The following PPARGC1A variants were observed in gnomAD, a reference collection of about 807,000 sequenced individuals.
PPARGC1A encodes the protein peroxisome proliferator-activated receptor gamma coactivator 1-alpha.
A neutral mutation model predicts 88.7 loss-of-function variants in PPARGC1A; 25 were observed. The observed-to-expected ratio is 0.28, with a 90% CI of 0.21 to 0.39. PPARGC1A has a LOEUF of 0.39. Ranked by LOEUF, PPARGC1A falls within the 10% of genes least tolerant of loss-of-function variation. PPARGC1A has a pLI of 1.00. For synonymous variants in PPARGC1A, 363 were observed against 355.6 expected (o/e 1.02, Z -0.24); for missense variants, 880 against 968.7 (o/e 0.91, Z 1.22).
the PPARGC1A span, among the ~76,000 whole-genome samples, chr4:24,221,979 T>C: frequency 6.6e-6 from 1 of 152,110 alleles, no homozygotes; most frequent in African/African-American, 2.4e-5. Context: ...CAAGTCCCAG[T>C]GTTTGGAACA....
At chr4:23,855,248 T>C (rs1286674408) in intron 2 of PPARGC1A, among the ~76,000 whole-genome samples, 1 of 152,244 alleles carries the variant, frequency 6.6e-6, no homozygotes, top group South Asian at 2.1e-4. Context: ...CAGTCTCAGG[T>C]ATGTCTTTAG....
the PPARGC1A span, among the ~76,000 whole-genome samples, chr4:24,467,421 A>AT: frequency 6.6e-6 from 1 of 152,194 alleles, no homozygotes; most frequent in African/African-American, 2.4e-5. Flanking sequence ...CCCAGTTGAT[A>AT]TTTTTTGAAC....
chr4:24,453,222 T>G, the PPARGC1A span, among the ~76,000 whole-genome samples: 4 of 152,216 alleles, frequency 2.6e-5, no homozygotes, highest in Admixed American at 6.5e-5. Flanking sequence ...AACACCTTGA[T>G]CTCAGACTTT....
the PPARGC1A span, among the ~76,000 whole-genome samples, chr4:24,059,069 C>A: frequency 2.6e-5 from 4 of 152,210 alleles, no homozygotes; most frequent in South Asian, 8.3e-4. Flanking sequence ...ACCAATGAAA[C>A]CCATCAAAAG....
the PPARGC1A span, among the ~76,000 whole-genome samples, chr4:24,310,727 C>T: frequency 1.3e-5 from 2 of 152,160 alleles, no homozygotes; most frequent in Non-Finnish European, 2.9e-5. Context: ...ACGAAAAACA[C>T]TCTTTGAAAA....
the PPARGC1A span, among the ~76,000 whole-genome samples, chr4:24,451,370 G>C: frequency 5.9e-5 from 9 of 152,116 alleles, no homozygotes; most frequent in Non-Finnish European, 1.0e-4. Flanking sequence ...TTAAAAGCTG[G>C]CTGACTTCTA....
chr4:24,145,502 T>C, the PPARGC1A span, among the ~76,000 whole-genome samples: 8 of 152,324 alleles, frequency 5.3e-5, no homozygotes, highest in South Asian at 1.7e-3. Flanking sequence ...TGCTGAGTTG[T>C]TTCTTTTTGT....
At chr4:24,141,227 T>A in the PPARGC1A span, among the ~76,000 whole-genome samples, 1 of 152,216 alleles carries the variant, frequency 6.6e-6, no homozygotes, top group Non-Finnish European at 1.5e-5. Flanking sequence ...AGATGGCAGG[T>A]GCATTGAAGA....
At chr4:24,308,639 G>A in the PPARGC1A span, among the ~76,000 whole-genome samples, 1 of 152,130 alleles carries the variant, frequency 6.6e-6, no homozygotes, top group Non-Finnish European at 1.5e-5. Context: ...TTCCAGAGGT[G>A]TCTCATGGGT....
At chr4:24,142,275 G>A in the PPARGC1A span, among the ~76,000 whole-genome samples, 12 of 152,212 alleles carry the variant, frequency 7.9e-5, no homozygotes, top group East Asian at 3.9e-4. Context: ...GAGATGAAAC[G>A]CTAATAAATA....
At chr4:24,147,078 T>A in the PPARGC1A span, among the ~76,000 whole-genome samples, 1 of 152,234 alleles carries the variant, frequency 6.6e-6, no homozygotes, top group Non-Finnish European at 1.5e-5. Flanking sequence ...CTGATTCAGG[T>A]GAACAGGTAT....
In PPARGC1A at chr4:23,801,804, C is replaced by T. The variant is rs889287589; in HGVS notation, c.2219G>A (p.Arg740Lys). The change falls in exon 12 of 13, where the codon AGG becomes AAG. Residue 740 changes from arginine to lysine, a missense_variant. Transcript: ENST00000264867. Reference sequence around the variant, plus strand: ...CAGCTCAAAGTCAGTTTCGTTTGACCTGCGCAAAGTGTATCCATTTTCAAG... The same window carrying T: ...CAGCTCAAAGTCAGTTTCGTTTGACTTGCGCAAAGTGTATCCATTTTCAAG... ...AALENGYTLR[R>K]SNETDFELYF... 1 of 1,613,968 alleles carries T rather than the reference C, an allele frequency of 6.2e-7. No homozygotes were observed. Among genetic ancestry groups the T allele is most frequent in the Non-Finnish European group, 8.5e-7 (1 of 1,179,962 alleles).
At chr4:24,153,913 A>G in the PPARGC1A span, among the ~76,000 whole-genome samples, 2 of 152,194 alleles carry the variant, frequency 1.3e-5, no homozygotes, top group African/African-American at 4.8e-5. Context: ...AATAAGGGGA[A>G]AAAACAAAAA....
At chr4:23,879,950 T>TCA (rs1715588105) in intron 2 of PPARGC1A, 3 of 151,048 alleles carry the variant, frequency 2.0e-5, no homozygotes, top group Non-Finnish European at 4.4e-5. Context: ...CAAGCTCACC[T>TCA]CCACATCCCG....
chr4:24,082,010 C>T, the PPARGC1A span, among the ~76,000 whole-genome samples: 1 of 152,096 alleles, frequency 6.6e-6, no homozygotes, highest in East Asian at 1.9e-4. Context: ...CTGAAATACA[C>T]TTGATATGTG....
At chr4:23,803,651 T>C (rs1323111745) in intron 10 of PPARGC1A, among the ~76,000 whole-genome samples, 1 of 152,154 alleles carries the variant, frequency 6.6e-6, no homozygotes, top group Non-Finnish European at 1.5e-5. Flanking sequence ...TTTAAGAACA[T>C]AAGGAGTTAA....
the PPARGC1A span, among the ~76,000 whole-genome samples, chr4:24,116,964 C>T: frequency 1.3e-5 from 2 of 151,950 alleles, no homozygotes; most frequent in Admixed American, 1.3e-4. Flanking sequence ...TCTCTCTTGA[C>T]CATCACAAAG....
At chr4:23,848,594 A>G (rs1192087685) in intron 2 of PPARGC1A, among the ~76,000 whole-genome samples, 2 of 152,202 alleles carry the variant, frequency 1.3e-5, no homozygotes, top group African/African-American at 4.8e-5. Context: ...AGCAATTGAT[A>G]GCAAAATAAT....
the PPARGC1A span, among the ~76,000 whole-genome samples, chr4:24,092,332 G>A: frequency 6.6e-6 from 1 of 152,124 alleles, no homozygotes; most frequent in Non-Finnish European, 1.5e-5. Context: ...CCCAGTCAAT[G>A]CTTCACTAGC....
Sources: gnomAD v4.1 joint callset for allele counts (sites outside exome capture counted in the v4.1 genomes callset) on GRCh38, gnomAD v4.1.1 for gene constraint, MANE v1.5 for transcripts, NCBI Gene and HGNC (gene_info 2026-07-23, HGNC 2026-07-21) for gene names.